The following ARHGAP17 variants were observed in gnomAD, a reference collection of about 807,000 sequenced individuals.
ARHGAP17 encodes rho GTPase-activating protein 17.
ARHGAP17 carries 57 observed loss-of-function variants against 99.5 expected under a neutral mutation model. The ratio of observed to expected loss-of-function variants is 0.57; its 90% CI spans 0.46 to 0.71. The LOEUF (loss-of-function observed/expected upper bound fraction) is 0.71, where lower values mean the gene tolerates loss of function less well. ARHGAP17 is among the 30% of genes least tolerant of loss of function. The pLI is 0.00. For synonymous variants in ARHGAP17, 417 were observed against 429.6 expected (o/e 0.97, Z 0.36); for missense variants, 1,000 against 1,122.4 (o/e 0.89, Z 1.56).
chr16:25,004,837 T>G (rs1434602676), intron 1 of ARHGAP17, among the ~76,000 whole-genome samples: 1 of 152,196 alleles, frequency 6.6e-6, no homozygotes, highest in Non-Finnish European at 1.5e-5. Context: ...CAAAAGGAAG[T>G]AGCCAATGCA....
chr16:25,001,696 A>T (rs2053364049), intron 1 of ARHGAP17, among the ~76,000 whole-genome samples: 1 of 152,190 alleles, frequency 6.6e-6, no homozygotes, highest in Non-Finnish European at 1.5e-5. Flanking sequence ...CTGGGATTAC[A>T]GGCGTGAGCC....
intron 3 of ARHGAP17, among the ~76,000 whole-genome samples, chr16:24,974,839 G>C (rs998283601): frequency 3.9e-5 from 6 of 152,120 alleles, no homozygotes; most frequent in Non-Finnish European, 8.8e-5. Flanking sequence ...GGCAGTTATG[G>C]GGTTTGGAGG....
rs2051790864 is a variant in ARHGAP17, at chr16:24,955,793, G to C, written c.725-1063C>G. On this transcript the variant is annotated intron_variant, in intron 9 of 19. Transcript: ENST00000289968. This position sits in a 1 kb window ranked among gnomAD's most constrained non-coding sequence, Gnocchi z 4.0. ...CACAGCAGGGGTAGATTTGCACATG[G>C]GGAAGGAAGAAAAATAAAATCCCAC... 6.6e-6 allele frequency: 1 copy of C among 152,230 alleles called. No homozygotes were observed. Among genetic ancestry groups the C allele is most frequent in the Admixed American group, 6.5e-5 (1 of 15,278 alleles). The allele number at this position is 152,230 out of a possible 1,614,324, so 9.4% of individuals were successfully genotyped here. A position where few individuals can be genotyped will look rare whatever the true frequency, so the allele number is the denominator to read the frequency against.
intron 16 of ARHGAP17, 148 bp downstream of exon 16, chr16:24,941,839 A>T: frequency 9.5e-7 from 1 of 1,052,852 alleles, no homozygotes; most frequent in Non-Finnish European, 1.4e-6. Flanking sequence ...GGAATGACCT[A>T]CAGCAGAATT....
At chr16:25,000,555 G>C (rs1378097601) in intron 1 of ARHGAP17, among the ~76,000 whole-genome samples, 1 of 152,132 alleles carries the variant, frequency 6.6e-6, no homozygotes. Flanking sequence ...GTGTGTGGAT[G>C]ATTTTTTCTG....
At chr16:24,959,077 C>T (rs1186781286) in intron 9 of ARHGAP17, among the ~76,000 whole-genome samples, 1 of 151,122 alleles carries the variant, frequency 6.6e-6, no homozygotes, top group East Asian at 1.9e-4. Context: ...TCAGTCTGCA[C>T]CTAACTTGCA....
chr16:24,975,302 T>A (rs1326510886), intron 3 of ARHGAP17, among the ~76,000 whole-genome samples: 2 of 152,198 alleles, frequency 1.3e-5, no homozygotes, highest in African/African-American at 4.8e-5. Context: ...TTTGCTTGGT[T>A]GAAAATGGCT....
intron 19 of ARHGAP17, among the ~76,000 whole-genome samples, chr16:24,922,937 A>T (rs547325356): frequency 6.6e-6 from 1 of 152,098 alleles, no homozygotes; most frequent in Non-Finnish European, 1.5e-5. Context: ...TCGGCTCCCC[A>T]AAGTGCTGGG....
intron 19 of ARHGAP17, chr16:24,929,629 T>A (rs951387788): frequency 3.0e-6 from 3 of 987,802 alleles, no homozygotes; most frequent in Non-Finnish European, 3.6e-6. Context: ...CCTGGAAACC[T>A]TCCCCACCTG....
intron 1 of ARHGAP17, among the ~76,000 whole-genome samples, chr16:25,003,450 C>T (rs997533543): frequency 6.6e-6 from 1 of 151,962 alleles, no homozygotes; most frequent in Non-Finnish European, 1.5e-5. Flanking sequence ...GGCCTGGCAT[C>T]AAATCTGCCT....
intron 1 of ARHGAP17, among the ~76,000 whole-genome samples, chr16:25,007,846 C>T (rs113404673): frequency 1.3e-5 from 2 of 152,086 alleles, no homozygotes; most frequent in African/African-American, 4.8e-5. Context: ...GGAGTATCAT[C>T]AAAAATGGAA....
chr16:24,998,662 T>C (rs1597479721), intron 1 of ARHGAP17, among the ~76,000 whole-genome samples: 1 of 152,202 alleles, frequency 6.6e-6, no homozygotes, highest in Non-Finnish European at 1.5e-5. Context: ...TCAGCCCAGC[T>C]GAGCTTGGAG....
chr16:24,945,045 A>C lies in ARHGAP17; in HGVS notation c.1242-1183T>G, dbSNP rs528027173. Among the ~76,000 whole-genome samples the C allele has an allele frequency of 2.6e-5, 4 of 152,016 alleles. No individual in the cohort carries two copies. In the South Asian group the frequency reaches 6.3e-4, roughly 24 times the overall value. On this transcript the variant is annotated intron_variant, in intron 14 of 19. Coordinates refer to ENST00000289968, the MANE Select transcript of ARHGAP17 (RefSeq NM_001006634.3). Reference sequence around the variant, plus strand: ...GACGCCAAGGCTCAAAAAGAAGAAAATAAGTAGGCCAGACGCAGTGGCTCA... The same window carrying C: ...GACGCCAAGGCTCAAAAAGAAGAAACTAAGTAGGCCAGACGCAGTGGCTCA...
At chr16:24,984,237 T>C (rs1239017681) in intron 1 of ARHGAP17, among the ~76,000 whole-genome samples, 1 of 152,158 alleles carries the variant, frequency 6.6e-6, no homozygotes, top group Non-Finnish European at 1.5e-5. Flanking sequence ...CCGCGATCAA[T>C]GCAGGCTGTG....
chr16:25,001,835 GCAC>G, intron 1 of ARHGAP17, among the ~76,000 whole-genome samples: 3 of 152,144 alleles, frequency 2.0e-5, no homozygotes, highest in Admixed American at 6.5e-5. Context: ...TGCAATCCCA[GCAC>G]TTTGGGAGAC....
At chr16:24,991,075 C>T (rs1432231935) in intron 1 of ARHGAP17, among the ~76,000 whole-genome samples, 1 of 152,184 alleles carries the variant, frequency 6.6e-6, no homozygotes, top group African/African-American at 2.4e-5. Flanking sequence ...TTCTAAGTTT[C>T]ACTCTCAGCA....
chr16:24,964,433 C>A, intron 6 of ARHGAP17, 125 bp from the exon 7 acceptor site: 1 of 677,584 alleles, frequency 1.5e-6, no homozygotes, highest in Non-Finnish European at 2.6e-6. Flanking sequence ...TATCATTGCC[C>A]AGGATGCCAA....
chr16:24,969,523 T>A (rs1378233040), intron 4 of ARHGAP17, among the ~76,000 whole-genome samples: 1 of 152,230 alleles, frequency 6.6e-6, no homozygotes, highest in Non-Finnish European at 1.5e-5. Flanking sequence ...TCTGTCAGTA[T>A]CCTCGTCTGT....
chr16:24,961,972 G>GTTTTT (rs59272654), intron 7 of ARHGAP17, among the ~76,000 whole-genome samples: 39,159 of 135,894 alleles, frequency 0.29, 5,943 homozygotes, highest in East Asian at 0.49. Flanking sequence ...GAGAGAGTTT[G>GTTTTT]TTTTTTTTTT....
Sources: allele counts gnomAD v4.1 joint callset (sites outside exome capture counted in the v4.1 genomes callset), GRCh38; gene constraint gnomAD v4.1.1; non-coding constraint Gnocchi (gnomAD v3.1); transcripts MANE v1.5; gene names NCBI Gene and HGNC (gene_info 2026-07-23, HGNC 2026-07-21).